The following MDN1 variants were observed in gnomAD, a reference collection of about 807,000 sequenced individuals.
The protein encoded by MDN1 is midasin AAA ATPase 1.
Under a neutral mutation model 669.2 loss-of-function variants are expected in MDN1, and 266 were observed. The observed-to-expected ratio is 0.40, with a 90% CI of 0.36 to 0.44. The LOEUF is 0.44. Ranked by LOEUF, MDN1 falls within the 20% of genes least tolerant of loss-of-function variation. The pLI is 1.00. For synonymous variants in MDN1, 2,385 were observed against 2,457.1 expected (o/e 0.97, Z 0.87); for missense variants, 5,940 against 6,754.0 (o/e 0.88, Z 4.22).
intron 92 of MDN1, among the ~76,000 whole-genome samples, chr6:89,654,719 G>A (rs556665159): frequency 1.3e-5 from 2 of 152,256 alleles, no homozygotes; most frequent in Non-Finnish European, 2.9e-5. Flanking sequence ...CAAATGACTA[G>A]AAGAGCAGAT....
intron 11 of MDN1, among the ~76,000 whole-genome samples, chr6:89,779,512 A>G (rs1818541619): frequency 6.6e-6 from 1 of 152,218 alleles, no homozygotes; most frequent in African/African-American, 2.4e-5. Flanking sequence ...ACCAACATCA[A>G]CCAGCCCTAC....
At chr6:89,803,893 T>TCTA (rs778232212) in intron 1 of MDN1, among the ~76,000 whole-genome samples, 4 of 99,550 alleles carry the variant, frequency 4.0e-5, no homozygotes, top group African/African-American at 1.4e-4. Flanking sequence ...TTCTTTTCTT[T>TCTA]TCTTTTTTTT....
At position 89,751,439 on chromosome 6, in the gene MDN1, G is replaced by A. The variant is rs1187416799; in HGVS notation, c.3219C>T (p.Val1073=). The change falls in exon 23 of 102, where the codon GTC becomes GTT. Residue 1073 remains valine, a synonymous_variant. Coordinates refer to ENST00000369393, the MANE Select transcript of MDN1 (RefSeq NM_014611.3). ...KLNLRDIVRV[V]SAGTYPVLIQ... is the part of the protein sequence containing the mutation. ...GAAAAAAGCCCACACACCCTGCAGA[G>A]ACAACTCGGACTATATCTCTCAGGT... The A allele has an allele frequency of 2.5e-6, 4 of 1,614,028 alleles. No homozygotes were observed. The highest frequency in any genetic ancestry group is 8.5e-7 in the Non-Finnish European group (1 of 1,180,030).
Position 89,655,850 on chromosome 6 carries a change from G to T in MDN1, c.15404C>A (p.Ala5135Asp), listed in dbSNP as rs993128968. ...DTDSHAEQGP[A>D]QQPQAQVEDA... ...CTCCACCTGGGCCTGGGGCTGCTGA[G>T]CTGGCCCCTGCTCGGCATGGCTGTC... The change falls in exon 92 of 102, where the codon GCT becomes GAT. Residue 5135 changes from alanine (A) to aspartate (D), a missense_variant. Around this residue, in one of 5 missense-constraint regions of MDN1, gnomAD observed 2,280 missense variants for 2,576.3 expected, o/e 0.88. Coordinates refer to ENST00000369393, the MANE Select transcript of MDN1 (RefSeq NM_014611.3). 1 of 1,614,110 alleles carries T rather than the reference G, an allele frequency of 6.2e-7. No homozygotes were observed. Among genetic ancestry groups the T allele is most frequent in the African/African-American group, 1.3e-5 (1 of 75,038 alleles).
rs549277872 is a variant in MDN1, at chr6:89,766,941, T to G, written c.2145-4411A>C. The stretch of plus-strand genomic sequence containing the variant: ...TCCTCTATTTTTTTTCTTCTTTCAT[T>G]GCCAAGCTCTCCAGGGTAACCGGTC... On this transcript the variant is annotated intron_variant, in intron 15 of 101. Coordinates refer to ENST00000369393, the MANE Select transcript of MDN1 (RefSeq NM_014611.3). Among the ~76,000 whole-genome samples the G allele has an allele frequency of 2.0e-5, 3 of 152,346 alleles. No individual in the cohort carries two copies. The East Asian group carries it at 5.8e-4, about 29-fold the overall frequency.
intron 14 of MDN1, 105 bp from the exon 15 acceptor site, chr6:89,771,726 T>C (rs1298012118): frequency 1.0e-6 from 1 of 977,562 alleles, no homozygotes; most frequent in Non-Finnish European, 1.6e-6. Flanking sequence ...CTTTATTTTT[T>C]GAGACAGAGT....
chr6:89,763,513 T>C (rs914897507), intron 15 of MDN1, among the ~76,000 whole-genome samples: 13 of 152,070 alleles, frequency 8.5e-5, no homozygotes, highest in Non-Finnish European at 1.5e-5. Context: ...AGATAATTTT[T>C]TAAAAGGTTG....
chr6:89,707,082 C>T (rs937259571), intron 52 of MDN1, among the ~76,000 whole-genome samples: 17 of 152,144 alleles, frequency 1.1e-4, no homozygotes, highest in Admixed American at 2.0e-4. Context: ...TCCGTGTCTC[C>T]GTTTCCTCAC....
chr6:89,769,361 A>G (rs1019557721), intron 15 of MDN1, among the ~76,000 whole-genome samples: 5 of 152,204 alleles, frequency 3.3e-5, no homozygotes, highest in African/African-American at 1.2e-4. Flanking sequence ...TTGTAGTAAT[A>G]TAAGAGTACA....
At chr6:89,738,759 G>C (rs1816135579) in intron 32 of MDN1, among the ~76,000 whole-genome samples, 1 of 152,128 alleles carries the variant, frequency 6.6e-6, no homozygotes, top group Non-Finnish European at 1.5e-5. Context: ...CTCAGGCAAA[G>C]ATTCTTCCTT....
At chr6:89,690,599 G>A in intron 64 of MDN1, 74 bp downstream of exon 64, 1 of 1,535,858 alleles carries the variant, frequency 6.5e-7, no homozygotes. Flanking sequence ...GAGGAAGAGA[G>A]AAAGCCATCA....
At position 89,700,860 on chromosome 6, in the gene MDN1, A is replaced by T. The variant is rs1182639927; in HGVS notation, c.8428-4T>A. 15 of 1,613,508 alleles carry T rather than the reference A, an allele frequency of 9.3e-6. No individual in the cohort carries two copies. Among genetic ancestry groups the T allele is most frequent in the Non-Finnish European group, 1.3e-5 (15 of 1,179,740 alleles). ...AACACTCCACCACCAGCTTGTCCTG[A>T]AACAACAACACCCACAAGAGCATAC... On this transcript the variant is annotated splice_region_variant and splice_polypyrimidine_tract_variant and intron_variant, in intron 55 of 101. Coordinates refer to ENST00000369393, the MANE Select transcript of MDN1 (RefSeq NM_014611.3).
intron 61 of MDN1, among the ~76,000 whole-genome samples, chr6:89,694,457 A>G (rs531036917): frequency 6.6e-6 from 1 of 152,376 alleles, no homozygotes; most frequent in South Asian, 2.1e-4. Flanking sequence ...TCTTCAAAAT[A>G]TGTACTAACA....
Position 89,753,535 on chromosome 6 carries a change from T to C in MDN1, c.3052A>G (p.Asn1018Asp). ...KLICQHIVPG[N>D]VKSLLKQPIP... ...ACCTGCTTCAGCAGACTCTTGACAT[T>C]GCCAGGGACAATGTGTTGACAGATG... Residue 1018 changes from asparagine (N) to aspartate (D), a missense_variant, in exon 22 of 102, where the codon AAT (asparagine) becomes GAT (aspartate). Physicochemically the swap from Asn to Asp is conservative, Grantham distance 23. Coordinates refer to ENST00000369393, the MANE Select transcript of MDN1 (RefSeq NM_014611.3). The C allele has an allele frequency of 6.2e-7, 1 of 1,612,084 alleles. No individual in the cohort carries two copies. Among genetic ancestry groups the C allele is most frequent in the South Asian group, 1.1e-5 (1 of 90,942 alleles).
intron 54 of MDN1, 39 bp from the exon 55 acceptor site, chr6:89,701,717 G>A (rs770311610): frequency 6.3e-7 from 1 of 1,599,618 alleles, no homozygotes; most frequent in Non-Finnish European, 8.5e-7. Context: ...AATAAGGAAA[G>A]GGGGAAATGC....
chr6:89,761,241 T>C (rs1817530499), intron 17 of MDN1, among the ~76,000 whole-genome samples: 1 of 152,180 alleles, frequency 6.6e-6, no homozygotes, highest in South Asian at 2.1e-4. Flanking sequence ...AGATATATAT[T>C]GCATAGCATG....
At chr6:89,759,412 T>C (rs2128320358) in intron 17 of MDN1, among the ~76,000 whole-genome samples, 1 of 152,322 alleles carries the variant, frequency 6.6e-6, no homozygotes, top group African/African-American at 2.4e-5. Flanking sequence ...AGTACACTGG[T>C]GTTATCTCTT....
chr6:89,744,485 C>T (rs907378630), intron 29 of MDN1, among the ~76,000 whole-genome samples: 1 of 151,580 alleles, frequency 6.6e-6, no homozygotes, highest in East Asian at 1.9e-4. Flanking sequence ...TCAGTGCAAT[C>T]TCTGCCTCCC....
intron 15 of MDN1, among the ~76,000 whole-genome samples, chr6:89,765,722 T>C (rs1817775013): frequency 1.3e-5 from 2 of 152,222 alleles, no homozygotes; most frequent in African/African-American, 4.8e-5. Context: ...GTTCAAATCC[T>C]GGATCTGCCA....
Sources: allele counts gnomAD v4.1 joint callset (sites outside exome capture counted in the v4.1 genomes callset), GRCh38; gene constraint gnomAD v4.1.1; regional missense constraint gnomAD v4.1.1; transcripts MANE v1.5; gene names NCBI Gene and HGNC (gene_info 2026-07-23, HGNC 2026-07-21).